Variants in FARP2 observed in about 807,000 individuals in gnomAD.
FARP2 encodes the protein FERM, ARHGEF and pleckstrin domain-containing protein 2.
Under a neutral mutation model 130.5 loss-of-function variants are expected in FARP2, and 111 were observed. The ratio of observed to expected loss-of-function variants is 0.85; its 90% CI spans 0.73 to 1.00. The LOEUF (loss-of-function observed/expected upper bound fraction) is 1.00. FARP2 is among the 50% of genes least tolerant of loss of function. The pLI is 0.00. For missense variants in FARP2, 1,385 were observed against 1,346.3 expected (o/e 1.03, Z -0.45); for synonymous variants, 504 against 516.9 (o/e 0.98, Z 0.34).
intron 12 of FARP2, among the ~76,000 whole-genome samples, chr2:241,438,630 T>TG (rs1469048321): frequency 2.7e-5 from 4 of 149,712 alleles, no homozygotes; most frequent in Admixed American, 6.6e-5. Flanking sequence ...GGTTTTTTTT[T>TG]TTTGTTTTTT....
chr2:241,357,838 G>A (rs889302099), intron 1 of FARP2, among the ~76,000 whole-genome samples: 20 of 152,300 alleles, frequency 1.3e-4, no homozygotes, highest in African/African-American at 4.8e-4. Flanking sequence ...CTTTCCCAAA[G>A]AGGAAGTTGA....
At chr2:241,413,234 A>T in intron 6 of FARP2, 73 bp from the exon 7 acceptor site, 2 of 825,618 alleles carry the variant, frequency 2.4e-6, no homozygotes, top group South Asian at 1.9e-5. Context: ...TTTTACTTTT[A>T]ATGTATGCAA....
At chr2:241,381,607 T>G (rs74000644) in intron 2 of FARP2, among the ~76,000 whole-genome samples, 2,635 of 152,278 alleles carry the variant, frequency 0.017, 91 homozygotes, top group African/African-American at 0.06. Context: ...TTTTCAGTCA[T>G]ATCGGCCTCA....
At chr2:241,381,295 G>A (rs755955113) in intron 2 of FARP2, among the ~76,000 whole-genome samples, 4 of 152,048 alleles carry the variant, frequency 2.6e-5, no homozygotes, top group Admixed American at 6.6e-5. Flanking sequence ...TTTAGACTCA[G>A]CTGTACCCCG....
chr2:241,419,375 G>A (rs2062753049), intron 8 of FARP2, among the ~76,000 whole-genome samples: 1 of 152,048 alleles, frequency 6.6e-6, no homozygotes, highest in South Asian at 2.1e-4. Flanking sequence ...TCCAAACTGA[G>A]CCATTGCCAC....
chr2:241,456,907 G>C lies in FARP2; in HGVS notation c.1572G>C (p.Glu524Asp). The change falls in exon 14 of 27, where the codon GAG becomes GAC. Residue 524 changes from glutamate (E) to aspartate (D), a missense_variant. Physicochemically the swap from Glu to Asp is conservative, Grantham distance 45. Transcript: ENST00000264042. ...SDAGGAGMDCEEPRHKRVPAD... is the reference protein window; with the variant it reads ...SDAGGAGMDCDEPRHKRVPAD... ...CTGGCGGAGCCGGGATGGACTGCGA[G>C]GAGCCCAGACACAAGGTGGGCCCCT... The C allele has an allele frequency of 6.2e-7, 1 of 1,602,392 alleles. No individual in the cohort carries two copies. The highest frequency in any genetic ancestry group is 8.5e-7 in the Non-Finnish European group (1 of 1,173,850).
chr2:241,377,784 G>T (rs1275206802), intron 2 of FARP2, among the ~76,000 whole-genome samples: 2 of 151,920 alleles, frequency 1.3e-5, no homozygotes, highest in Non-Finnish European at 2.9e-5. Context: ...TTTTGGTGGG[G>T]TTGTTTTTAT....
chr2:241,400,396 G>A (rs1238998049), intron 2 of FARP2, among the ~76,000 whole-genome samples: 2 of 152,180 alleles, frequency 1.3e-5, no homozygotes, highest in Non-Finnish European at 2.9e-5. Context: ...TGGAGAAGGT[G>A]CAGTCCTTGC....
At chr2:241,386,761 A>G (rs1296197921) in intron 2 of FARP2, 1 of 152,216 alleles carries the variant, frequency 6.6e-6, no homozygotes, top group Non-Finnish European at 1.5e-5. Flanking sequence ...TTACAAACAG[A>G]GGGAGTTTCA....
chr2:241,404,754 G>C (rs78422052), intron 3 of FARP2, 45 bp from the exon 4 acceptor site: 8 of 1,435,478 alleles, frequency 5.6e-6, no homozygotes, highest in Non-Finnish European at 7.8e-6. Flanking sequence ...GTTAAATAGA[G>C]ACATTATTTA....
At position 241,417,948 on chromosome 2, in the gene FARP2, A is replaced by AT. The variant is rs769469886; in HGVS notation, c.624-8dup. On this transcript the variant is annotated splice_polypyrimidine_tract_variant and intron_variant, in intron 7 of 26. Transcript: ENST00000264042. ...AGTGTTTGTAGTGTATGATTCTACC[A>AT]TTTTTTATTACAGGGGCCAGACACC... The AT allele has an allele frequency of 9.3e-6, 15 of 1,613,862 alleles. No homozygotes were observed. Among genetic ancestry groups the AT allele is most frequent in the Middle Eastern group, 1.6e-4 (1 of 6,082 alleles).
At chr2:241,397,932 C>T (rs1403449751) in intron 2 of FARP2, among the ~76,000 whole-genome samples, 1 of 151,284 alleles carries the variant, frequency 6.6e-6, no homozygotes, top group African/African-American at 2.4e-5. Flanking sequence ...CAGGTTCACA[C>T]CATTCTCCTA....
Position 241,459,686 on chromosome 2 carries a change from G to A in FARP2, c.1587+2764G>A, listed in dbSNP as rs950655314. 9.2e-5 allele frequency among the ~76,000 whole-genome samples: 14 copies of A among 152,216 alleles called. No individual in the cohort carries two copies. The highest frequency in any genetic ancestry group is 1.7e-4 in the African/African-American group (7 of 41,464). The stretch of plus-strand genomic sequence containing the variant: ...TCCTCTGGGCCTATCCCTGGCCGCC[G>A]TCTCATCCCTGGCCTGCAGCCCAGC... On this transcript the variant is annotated intron_variant, in intron 14 of 26. Coordinates refer to ENST00000264042, the MANE Select transcript of FARP2 (RefSeq NM_014808.4). This position sits in a 1 kb window ranked among gnomAD's most constrained non-coding sequence, Gnocchi z 5.3.
chr2:241,461,999 G>C (rs2064033326), intron 14 of FARP2, among the ~76,000 whole-genome samples: 1 of 152,224 alleles, frequency 6.6e-6, no homozygotes, highest in African/African-American at 2.4e-5. Context: ...ACCTTGGGCA[G>C]AGATAGCCCT....
rs148579757 is a variant in FARP2 at position 241,441,347 on chromosome 2, C to A, written c.1202C>A (p.Ser401Tyr). 3.1e-6 allele frequency: 5 copies of A among 1,612,380 alleles called. No homozygotes were observed. The African/African-American group carries it at 6.7e-5, about 22-fold the overall frequency. ...PEGLRTPASP[S>Y]SANAFYSLSP... ...GGATTGAGGACTCCTGCCTCCCCATCTTCAGCGAATGCCTTTTACTCGCTC... is the reference window on the plus strand; with the variant it reads ...GGATTGAGGACTCCTGCCTCCCCATATTCAGCGAATGCCTTTTACTCGCTC... The change falls in exon 13 of 27, where the codon TCT (serine) becomes TAT (tyrosine). Residue 401 changes from serine (S) to tyrosine (Y), a missense_variant. By Grantham distance (144) the Ser-to-Tyr change is moderately radical (BLOSUM62 -2). Coordinates refer to ENST00000264042, the MANE Select transcript of FARP2 (RefSeq NM_014808.4).
At chr2:241,456,234 T>C (rs1209800289) in intron 13 of FARP2, among the ~76,000 whole-genome samples, 1 of 152,188 alleles carries the variant, frequency 6.6e-6, no homozygotes, top group Non-Finnish European at 1.5e-5. Context: ...AACAGTATCA[T>C]GAATTGAGCA....
At chr2:241,387,520 G>A (rs1401645924) in intron 2 of FARP2, among the ~76,000 whole-genome samples, 3 of 152,116 alleles carry the variant, frequency 2.0e-5, no homozygotes, top group Admixed American at 1.3e-4. Context: ...TTGGCCAGAC[G>A]CAGTGGCTCA....
intron 2 of FARP2, among the ~76,000 whole-genome samples, chr2:241,400,134 C>T (rs1197481982): frequency 1.3e-5 from 2 of 152,228 alleles, no homozygotes; most frequent in Non-Finnish European, 2.9e-5. Flanking sequence ...CTGGAGCACA[C>T]TCTGGCTGCA....
intron 17 of FARP2, chr2:241,466,178 C>T: frequency 1.9e-6 from 2 of 1,056,260 alleles, no homozygotes; most frequent in Non-Finnish European, 2.3e-6. Context: ...GATCAGGGAC[C>T]ACCCCCTCAC....
Sources: allele counts gnomAD v4.1 joint callset (sites outside exome capture counted in the v4.1 genomes callset), GRCh38; gene constraint gnomAD v4.1.1; non-coding constraint Gnocchi (gnomAD v3.1); transcripts MANE v1.5; gene names NCBI Gene and HGNC (gene_info 2026-07-23, HGNC 2026-07-21).